Variants in ZNF273 observed in about 807,000 individuals in gnomAD.
The protein encoded by ZNF273 is zinc finger protein 9.
A neutral mutation model predicts 14.9 loss-of-function variants in ZNF273; 11 were observed. The observed-to-expected ratio is 0.74, with a 90% CI of 0.46 to 1.22. The LOEUF (loss-of-function observed/expected upper bound fraction) is 1.22, where lower values mean the gene tolerates loss of function less well. Ranked by LOEUF, ZNF273 falls within the 50% of genes most tolerant of loss-of-function variation. The probability of loss-of-function intolerance (pLI) is 0.00; values close to 1 mark genes in which losing one functional copy is unlikely to be tolerated. For synonymous variants in ZNF273, 199 were observed against 223.9 expected (o/e 0.89, Z 0.99); for missense variants, 577 against 660.6 (o/e 0.87, Z 1.39).
intron 1 of ZNF273, among the ~76,000 whole-genome samples, chr7:64,916,542 CAAA>C (rs10712527): frequency 1.7e-3 from 145 of 84,390 alleles, no homozygotes; most frequent in East Asian, 4.8e-3. Flanking sequence ...AAAACTGTCT[CAAA>C]AAAAAAAAAA....
chr7:64,882,408 A>C (rs533311098), downstream of ZNF273: 3 of 152,196 alleles, frequency 2.0e-5, no homozygotes, highest in South Asian at 2.1e-4. Flanking sequence ...TTTCCTGACC[A>C]GGCCGTCTCT....
chr7:64,917,847 GA>G, intron 2 of ZNF273, 140 bp downstream of exon 2: 1 of 977,220 alleles, frequency 1.0e-6, no homozygotes, highest in Non-Finnish European at 1.4e-6. Context: ...ATTTAGAAAT[GA>G]ATTTCTTCAA....
At chr7:64,881,987 C>G (rs967311046), downstream of ZNF273, among the ~76,000 whole-genome samples, 1 of 152,160 alleles carries the variant, frequency 6.6e-6, no homozygotes, top group African/African-American at 2.4e-5. Flanking sequence ...GATGCCAGTT[C>G]CAGGGGTGAG....
upstream of ZNF273, among the ~76,000 whole-genome samples, chr7:64,899,695 G>A (rs530078260): frequency 5.3e-4 from 79 of 150,288 alleles, no homozygotes; most frequent in African/African-American, 1.9e-3. Context: ...GTTGTTTAAA[G>A]TTCAGTATTG....
Position 64,917,202 on chromosome 7 carries a change from T to G in ZNF273, c.103-379T>G, listed in dbSNP as rs1003598065. ...TCTGCATAACAAGATCTCCAGTTTA[T>G]TACTGTACACATTAAAATTTTAAAG... On this transcript the variant is annotated intron_variant, in intron 1 of 3. Transcript: ENST00000476120. 3 of 851,268 alleles carry G rather than the reference T, an allele frequency of 3.5e-6. No homozygotes were observed. The Admixed American group carries it at 1.1e-4, about 31-fold the overall frequency. The allele number at this position is 851,268 out of a possible 1,614,324, so 52.7% of individuals were successfully genotyped here. A position where few individuals can be genotyped will look rare whatever the true frequency, so the allele number is the denominator to read the frequency against.
intron 1 of ZNF273, among the ~76,000 whole-genome samples, chr7:64,911,894 C>CA (rs1356099190): frequency 1.3e-5 from 2 of 151,926 alleles, no homozygotes; most frequent in Non-Finnish European, 2.9e-5. Context: ...AACACTGCCT[C>CA]AGCTGTGTTC....
At chr7:64,907,448 G>A (rs1173324430) in intron 1 of ZNF273, among the ~76,000 whole-genome samples, 3 of 152,148 alleles carry the variant, frequency 2.0e-5, no homozygotes, top group Non-Finnish European at 4.4e-5. Flanking sequence ...CATAACTACA[G>A]TGTTTGCTGA....
At chr7:64,879,475 C>G (rs1443826825) in exon 3 of ZNF273, 2 of 152,340 alleles carry the variant, frequency 1.3e-5, no homozygotes, top group African/African-American at 4.8e-5. Context: ...TAGACAGCCT[C>G]TGAGACACTT....
At chr7:64,897,486 C>G (rs976032590) in exon 4 of ZNF273, 1 of 151,736 alleles carries the variant, frequency 6.6e-6, no homozygotes, top group Non-Finnish European at 1.5e-5. Context: ...GCCACCACAC[C>G]CAGCTAATTT....
chr7:64,894,452 T>C (rs1792240939), downstream of ZNF273, among the ~76,000 whole-genome samples: 1 of 152,234 alleles, frequency 6.6e-6, no homozygotes, highest in Non-Finnish European at 1.5e-5. Flanking sequence ...TACAGATTAC[T>C]GTAGGGTTCA....
chr7:64,883,896 C>T (rs1404884593), downstream of ZNF273, among the ~76,000 whole-genome samples: 2 of 152,168 alleles, frequency 1.3e-5, no homozygotes, highest in African/African-American at 2.4e-5. Context: ...TGAGTGTTTC[C>T]GTCTAAACAC....
chr7:64,913,826 G>A (rs1002404882), intron 1 of ZNF273, among the ~76,000 whole-genome samples: 45 of 152,256 alleles, frequency 3.0e-4, no homozygotes, highest in African/African-American at 8.2e-4. Context: ...TTATAAGCTC[G>A]TTAAAGTCTG....
chr7:64,888,420 G>T (rs1791742847), intron 1 of ZNF273: 1 of 985,782 alleles, frequency 1.0e-6, no homozygotes, highest in Non-Finnish European at 1.2e-6. Flanking sequence ...GTGACACGGG[G>T]CTGGACAGGG....
intron 1 of ZNF273, among the ~76,000 whole-genome samples, chr7:64,913,190 T>G (rs980502063): frequency 1.3e-5 from 2 of 152,158 alleles, no homozygotes; most frequent in Non-Finnish European, 2.9e-5. Flanking sequence ...CACAAAAAAG[T>G]AAATATAAAC....
rs2129107914 is a variant in ZNF273 at position 64,929,264 on chromosome 7, T to C, written c.*226T>C. The C allele has an allele frequency of 8.7e-6, 3 of 343,634 alleles. No individual in the cohort carries two copies. Among genetic ancestry groups the C allele is most frequent in the Middle Eastern group, 8.3e-4 (1 of 1,200 alleles). The allele number at this position is 343,634 out of a possible 1,614,324, so 21.3% of individuals were successfully genotyped here. A position where few individuals can be genotyped will look rare whatever the true frequency, so the allele number is the denominator to read the frequency against. The stretch of plus-strand genomic sequence containing the variant: ...AAAAGCATTATCAATGAAATTACTG[T>C]CAAAAGATCTTTCAGACAATATAAG... On this transcript the variant is annotated 3_prime_UTR_variant, in exon 4 of 4. Coordinates refer to ENST00000476120, the MANE Select transcript of ZNF273 (RefSeq NM_021148.3).
downstream of ZNF273, chr7:64,882,510 G>A (rs1390028633): frequency 6.6e-6 from 1 of 152,282 alleles, no homozygotes; most frequent in Non-Finnish European, 1.5e-5. Context: ...CCAGTGGCGG[G>A]GCACAAGGCG....
upstream of ZNF273, among the ~76,000 whole-genome samples, chr7:64,901,555 A>G (rs764969058): frequency 6.6e-6 from 1 of 152,186 alleles, no homozygotes; most frequent in Non-Finnish European, 1.5e-5. Flanking sequence ...TCATTGATGT[A>G]GTCAGGTCGT....
At chr7:64,914,103 G>A (rs1284824938) in intron 1 of ZNF273, among the ~76,000 whole-genome samples, 1 of 151,028 alleles carries the variant, frequency 6.6e-6, no homozygotes, top group Non-Finnish European at 1.5e-5. Context: ...TGCCTCCTGG[G>A]TTCAAGCGAT....
At chr7:64,933,660 G>C (rs955928090), downstream of ZNF273, 3 of 152,114 alleles carry the variant, frequency 2.0e-5, no homozygotes, top group African/African-American at 7.2e-5. Context: ...AGCCACACAA[G>C]AACTAAGTAT....
Sources: gnomAD v4.1 joint callset for allele counts (sites outside exome capture counted in the v4.1 genomes callset) on GRCh38, gnomAD v4.1.1 for gene constraint, MANE v1.5 for transcripts, NCBI Gene and HGNC (gene_info 2026-07-23, HGNC 2026-07-21) for gene names.